The following UNC13C variants were observed in gnomAD, a reference collection of about 807,000 sequenced individuals.
The protein encoded by UNC13C is unc-13 homolog C.
Under a neutral mutation model 245.4 loss-of-function variants are expected in UNC13C, and 174 were observed. The observed-to-expected ratio is 0.71, with a 90% CI of 0.63 to 0.80. UNC13C has a LOEUF of 0.80. UNC13C is among the 30% of genes least tolerant of loss of function. UNC13C has a pLI of 0.00. For synonymous variants in UNC13C, 992 were observed against 895.1 expected, an observed-to-expected ratio of 1.11 and a Z score of -1.93; for missense variants, 2,829 against 2,602.9, an observed-to-expected ratio of 1.09 and a Z score of -1.89.
the UNC13C span, among the ~76,000 whole-genome samples, chr15:53,878,274 G>A: frequency 2.0e-5 from 3 of 152,084 alleles, no homozygotes; most frequent in Admixed American, 1.3e-4. Flanking sequence ...TCAAACCAAA[G>A]CTGTGCCTTC....
intron 32 of UNC13C, among the ~76,000 whole-genome samples, chr15:54,625,104 T>A (rs931402878): frequency 1.3e-5 from 2 of 152,168 alleles, no homozygotes; most frequent in African/African-American, 4.8e-5. Flanking sequence ...TATACTTGAA[T>A]GTATACTTAC....
At chr15:54,299,218 C>G (rs554896527) in intron 12 of UNC13C, among the ~76,000 whole-genome samples, 2 of 152,228 alleles carry the variant, frequency 1.3e-5, no homozygotes, top group South Asian at 2.1e-4. Context: ...GTCCAAGAAC[C>G]AGAAAGAACT....
intron 10 of UNC13C, among the ~76,000 whole-genome samples, chr15:54,271,978 T>G (rs941903603): frequency 2.0e-5 from 3 of 152,174 alleles, no homozygotes; most frequent in African/African-American, 7.2e-5. Flanking sequence ...AGTATTGACT[T>G]AAAGAGTGAT....
chr15:54,583,299 T>C (rs980450050), intron 30 of UNC13C, among the ~76,000 whole-genome samples: 2 of 152,130 alleles, frequency 1.3e-5, no homozygotes, highest in African/African-American at 4.8e-5. Context: ...CAATGAAAAC[T>C]ATTTTTTTTC....
At chr15:54,394,523 A>G (rs2040031265) in intron 18 of UNC13C, among the ~76,000 whole-genome samples, 1 of 151,738 alleles carries the variant, frequency 6.6e-6, no homozygotes, top group Admixed American at 6.6e-5. Flanking sequence ...TGTAGAATAG[A>G]GTTGTGTTTT....
At chr15:53,933,770 A>G in the UNC13C span, among the ~76,000 whole-genome samples, 1 of 152,112 alleles carries the variant, frequency 6.6e-6, no homozygotes, top group Non-Finnish European at 1.5e-5. Flanking sequence ...CATTTATTGA[A>G]CTTTTAGGGT....
At chr15:54,054,331 C>G (rs997451912) in intron 2 of UNC13C, among the ~76,000 whole-genome samples, 3 of 152,102 alleles carry the variant, frequency 2.0e-5, no homozygotes, top group African/African-American at 7.2e-5. Flanking sequence ...TCAATCTCTC[C>G]CTCTTAGACT....
intron 19 of UNC13C, among the ~76,000 whole-genome samples, chr15:54,425,037 G>T (rs962433461): frequency 3.3e-5 from 5 of 151,802 alleles, no homozygotes; most frequent in Admixed American, 6.6e-5. Flanking sequence ...TGTATACAAT[G>T]CCATGTGCTA....
At chr15:54,595,841 A>G (rs1330609409) in intron 30 of UNC13C, among the ~76,000 whole-genome samples, 1 of 152,216 alleles carries the variant, frequency 6.6e-6, no homozygotes, top group Non-Finnish European at 1.5e-5. Context: ...AATGAATTAG[A>G]CTTGATCTTT....
In UNC13C at chr15:54,069,357, T is replaced by C. The variant is rs369180751; in HGVS notation, c.2983+53471T>C. Among the ~76,000 whole-genome samples, 203 of 152,306 alleles carry C rather than the reference T, an allele frequency of 1.3e-3. 5 individuals are homozygous for C. In the South Asian group the frequency reaches 0.028, roughly 21 times the overall value. ...GTGTACTGTCTCCTTTGTATCACAG[T>C]GACTGGAGTCTTCTCTCAGGCAGCC... On this transcript the variant is annotated intron_variant, in intron 2 of 32. Coordinates refer to ENST00000260323, the MANE Select transcript of UNC13C (RefSeq NM_001080534.3).
At chr15:54,297,067 T>C (rs557504377) in intron 11 of UNC13C, among the ~76,000 whole-genome samples, 1 of 152,346 alleles carries the variant, frequency 6.6e-6, no homozygotes, top group East Asian at 1.9e-4. Context: ...CATTTTGTTA[T>C]AAACCAGAAC....
At chr15:54,490,203 A>G (rs1005926445) in intron 19 of UNC13C, among the ~76,000 whole-genome samples, 31 of 152,236 alleles carry the variant, frequency 2.0e-4, no homozygotes, top group African/African-American at 6.5e-4. Context: ...TAGAGTTATC[A>G]TAGCAGGTAC....
At chr15:54,300,628 G>A (rs1247752607) in intron 13 of UNC13C, among the ~76,000 whole-genome samples, 1 of 152,072 alleles carries the variant, frequency 6.6e-6, no homozygotes. Flanking sequence ...ACAGCACCTG[G>A]CAACTTAGCA....
chr15:54,306,539 T>C (rs1596186920), intron 13 of UNC13C, among the ~76,000 whole-genome samples: 1 of 151,946 alleles, frequency 6.6e-6, no homozygotes, highest in South Asian at 2.1e-4. Context: ...ATGTTCCTAA[T>C]AGTGTTTTGA....
intron 18 of UNC13C, among the ~76,000 whole-genome samples, chr15:54,411,815 G>A (rs75030883): frequency 6.6e-6 from 1 of 151,910 alleles, no homozygotes; most frequent in South Asian, 2.1e-4. Context: ...GAATCAGTTT[G>A]TTAATTTCCA....
chr15:54,299,742 A>C (rs2140944967), intron 12 of UNC13C, among the ~76,000 whole-genome samples: 1 of 152,286 alleles, frequency 6.6e-6, no homozygotes, highest in South Asian at 2.1e-4. Flanking sequence ...CACCAGTGAC[A>C]CCTCTAACTA....
chr15:54,014,229 G>A lies in UNC13C; in HGVS notation c.1326G>A (p.Lys442=). ...IKLSTPEPKI[K]KNNWQSPDDS... ...TGTCTACTCCAGAGCCAAAAATCAA[G>A]AAGAACAATTGGCAGTCACCTGATG... Residue 442 remains lysine, a synonymous_variant, in exon 2 of 33, where the codon AAG becomes AAA. Transcript: ENST00000260323. The A allele has an allele frequency of 6.2e-7, 1 of 1,613,892 alleles. No individual in the cohort carries two copies. Among genetic ancestry groups the A allele is most frequent in the Non-Finnish European group, 8.5e-7 (1 of 1,179,808 alleles).
At chr15:54,007,082 C>T (rs544265072) in intron 1 of UNC13C, among the ~76,000 whole-genome samples, 1 of 152,182 alleles carries the variant, frequency 6.6e-6, no homozygotes, top group Non-Finnish European at 1.5e-5. Context: ...ATTTATGTAT[C>T]ACCCTTTTAT....
chr15:54,230,176 A>G (rs1187252844), intron 4 of UNC13C, among the ~76,000 whole-genome samples: 1 of 147,578 alleles, frequency 6.8e-6, no homozygotes, highest in Non-Finnish European at 1.5e-5. Flanking sequence ...CTCATTTTCC[A>G]CAATGGCTGT....
Sources: gnomAD v4.1 joint callset for allele counts (sites outside exome capture counted in the v4.1 genomes callset) on GRCh38, gnomAD v4.1.1 for gene constraint, MANE v1.5 for transcripts, NCBI Gene and HGNC (gene_info 2026-07-23, HGNC 2026-07-21) for gene names.